The following NFIB variants were observed in gnomAD, a reference collection of about 807,000 sequenced individuals.
NFIB encodes the protein nuclear factor I B, also known as nuclear factor 1 B-type.
In NFIB, 11 loss-of-function variants were observed where a neutral mutation model predicts 61.5. The ratio of observed to expected loss-of-function variants is 0.18; its 90% CI spans 0.11 to 0.30. The LOEUF (loss-of-function observed/expected upper bound fraction) is 0.30. NFIB is among the 10% of genes least tolerant of loss of function. NFIB has a pLI of 1.00. For synonymous variants in NFIB, 260 were observed against 216.5 expected (o/e 1.20, Z -1.76); for missense variants, 471 against 608.9 (o/e 0.77, Z 2.38).
the NFIB span, among the ~76,000 whole-genome samples, chr9:14,412,654 G>A: frequency 6.6e-6 from 1 of 152,074 alleles, no homozygotes; most frequent in Admixed American, 6.5e-5. Context: ...AGCTGTGGTG[G>A]GTTACTCCAG....
intron 2 of NFIB, among the ~76,000 whole-genome samples, chr9:14,265,789 A>T (rs774166779): frequency 2.6e-5 from 4 of 152,192 alleles, no homozygotes; most frequent in Non-Finnish European, 5.9e-5. Flanking sequence ...ACATTTTTCA[A>T]TGAGTTTGCA....
chr9:14,324,234 G>C (rs987463382), intron 1 of NFIB, among the ~76,000 whole-genome samples: 2 of 152,062 alleles, frequency 1.3e-5, no homozygotes, highest in African/African-American at 4.8e-5. Context: ...TTCATTCTAG[G>C]ATTTCCAAAT....
the NFIB span, among the ~76,000 whole-genome samples, chr9:14,466,812 C>T: frequency 1.3e-5 from 2 of 152,134 alleles, no homozygotes; most frequent in African/African-American, 2.4e-5. Flanking sequence ...ACTGGAGACA[C>T]AGTGCAATTT....
rs546919150 is a variant in NFIB, at chr9:14,145,772, T to A, written c.925+917A>T. On this transcript the variant is annotated intron_variant, in intron 6 of 10. Coordinates refer to ENST00000380953, the MANE Select transcript of NFIB (RefSeq NM_001190737.2). ...CTCAACTGATCCTCCCACCTCAGCCTCCTGAGTAGCTGAGACTACAGGCGC... is the reference window on the plus strand; with the variant it reads ...CTCAACTGATCCTCCCACCTCAGCCACCTGAGTAGCTGAGACTACAGGCGC... Among the ~76,000 whole-genome samples, 15 of 150,764 alleles carry A rather than the reference T, an allele frequency of 9.9e-5. No individual in the cohort carries two copies. In the South Asian group the frequency reaches 3.0e-3, roughly 30 times the overall value.
chr9:14,528,114 T>C, the NFIB span, among the ~76,000 whole-genome samples: 8 of 152,318 alleles, frequency 5.3e-5, no homozygotes, highest in African/African-American at 1.9e-4. Context: ...TATATATCTT[T>C]CACTTCAACT....
At chr9:14,355,031 G>A (rs2132927187) in intron 1 of NFIB, among the ~76,000 whole-genome samples, 1 of 151,784 alleles carries the variant, frequency 6.6e-6, no homozygotes, top group Non-Finnish European at 1.5e-5. Context: ...CTTCAGGGAT[G>A]GGGAGATGCT....
intron 1 of NFIB, among the ~76,000 whole-genome samples, chr9:14,311,812 A>G (rs2060292232): frequency 6.6e-6 from 1 of 152,212 alleles, no homozygotes; most frequent in Admixed American, 6.5e-5. Flanking sequence ...AAGTGATGCT[A>G]TACTCTGTAA....
At chr9:14,426,578 A>C in the NFIB span, among the ~76,000 whole-genome samples, 1 of 152,142 alleles carries the variant, frequency 6.6e-6, no homozygotes, top group African/African-American at 2.4e-5. Context: ...AAAAAGGAAA[A>C]ACTTACTTTC....
At chr9:14,327,872 G>C (rs933352989) in intron 1 of NFIB, among the ~76,000 whole-genome samples, 1 of 152,096 alleles carries the variant, frequency 6.6e-6, no homozygotes, top group East Asian at 1.9e-4. Context: ...AACAAACAAA[G>C]TTGGGAAAAT....
the NFIB span, among the ~76,000 whole-genome samples, chr9:14,463,670 T>C: frequency 7.2e-5 from 5 of 69,036 alleles, no homozygotes; most frequent in Non-Finnish European, 1.1e-4. Context: ...TTTTTTTTTT[T>C]TTTTTTTTTT....
intron 2 of NFIB, among the ~76,000 whole-genome samples, chr9:14,206,039 T>C (rs574521673): frequency 6.6e-6 from 1 of 152,314 alleles, no homozygotes; most frequent in Non-Finnish European, 1.5e-5. Context: ...GGGACTTTTA[T>C]CCTTTGTTTA....
At chr9:14,318,505 CTTTTTTTTTTTT>C (rs34481505), upstream of NFIB, among the ~76,000 whole-genome samples, 3 of 66,842 alleles carry the variant, frequency 4.5e-5, no homozygotes, top group Non-Finnish European at 7.8e-5. Context: ...CACTCGATGC[CTTTTTTTTTTTT>C]TTTTTTTTTT....
At chr9:14,200,604 T>A (rs1015965885) in intron 2 of NFIB, among the ~76,000 whole-genome samples, 2 of 151,950 alleles carry the variant, frequency 1.3e-5, no homozygotes, top group Non-Finnish European at 2.9e-5. Context: ...TTTTGGAAAT[T>A]CTCCTTCCCT....
chr9:14,381,030 C>T lies in NFIB; in HGVS notation c.108+17494G>A, dbSNP rs7045697. 3.8e-3 allele frequency among the ~76,000 whole-genome samples: 535 copies of T among 140,236 alleles called. 5 individuals carry two copies. The highest frequency in any genetic ancestry group is 0.013 in the African/African-American group (511 of 37,994). 92.0% of individuals were successfully genotyped at this position (140,236 alleles called of 152,430 possible). A position where few individuals can be genotyped will look rare whatever the true frequency, so the allele number is the denominator to read the frequency against. Reference sequence around the variant, plus strand: ...CAAATGTTGCAGTGAGCCGAGATCGCGCCACTGCACTCCAGCCTGGGCAAC... The same window carrying T: ...CAAATGTTGCAGTGAGCCGAGATCGTGCCACTGCACTCCAGCCTGGGCAAC... On this transcript the variant is annotated intron_variant, in intron 1 of 8. Coordinates refer to the NFIB transcript ENST00000380934.
intron 2 of NFIB, among the ~76,000 whole-genome samples, chr9:14,255,214 C>T (rs1263164964): frequency 1.3e-5 from 2 of 152,006 alleles, no homozygotes; most frequent in Non-Finnish European, 2.9e-5. Context: ...CAAAGTGAAA[C>T]CCTGACTCAA....
intron 1 of NFIB, among the ~76,000 whole-genome samples, chr9:14,323,118 C>T (rs928712071): frequency 1.3e-5 from 2 of 152,330 alleles, no homozygotes; most frequent in Non-Finnish European, 1.5e-5. Context: ...CGAAATGTTC[C>T]TGGCTGCGCA....
At chr9:14,173,691 C>A (rs2045828897) in intron 3 of NFIB, among the ~76,000 whole-genome samples, 1 of 152,156 alleles carries the variant, frequency 6.6e-6, no homozygotes, top group South Asian at 2.1e-4. Context: ...GTCTCTGCTT[C>A]TAATGTTGAG....
chr9:14,302,441 C>G (rs1271581053), intron 2 of NFIB, among the ~76,000 whole-genome samples: 1 of 152,080 alleles, frequency 6.6e-6, no homozygotes, highest in Non-Finnish European at 1.5e-5. Flanking sequence ...AACAATAAAG[C>G]AACAAAAGTG....
chr9:14,213,950 A>AG (rs148482196), intron 2 of NFIB, among the ~76,000 whole-genome samples: 1 of 152,024 alleles, frequency 6.6e-6, no homozygotes, highest in Non-Finnish European at 1.5e-5. Flanking sequence ...TCCAAATTTA[A>AG]GGGGGGAAGA....
Sources: gnomAD v4.1 joint callset for allele counts (sites outside exome capture counted in the v4.1 genomes callset) on GRCh38, gnomAD v4.1.1 for gene constraint, MANE v1.5 for transcripts, NCBI Gene and HGNC (gene_info 2026-07-23, HGNC 2026-07-21) for gene names.